The following C8orf89 variants were observed in gnomAD, a reference collection of about 807,000 sequenced individuals.
C8orf89 encodes chromosome 8 open reading frame 89.
Under a neutral mutation model 15.8 loss-of-function variants are expected in C8orf89, and 14 were observed. The ratio of observed to expected loss-of-function variants is 0.89; its 90% CI spans 0.59 to 1.39. C8orf89 has a LOEUF of 1.39. Among genes scored for constraint, C8orf89 ranks in the 40% most tolerant of loss-of-function variants. The probability of loss-of-function intolerance (pLI) is 0.00; values close to 1 mark genes in which losing one functional copy is unlikely to be tolerated. For synonymous variants in C8orf89, 55 were observed against 62.2 expected (o/e 0.88, Z 0.54); for missense variants, 181 against 184.5 (o/e 0.98, Z 0.11).
chr8:73,254,777 C>A (rs1202047251), intron 2 of C8orf89, among the ~76,000 whole-genome samples: 1 of 152,034 alleles, frequency 6.6e-6, no homozygotes, highest in Admixed American at 6.6e-5. Flanking sequence ...GAGATACAGA[C>A]CAATGGAACA....
the C8orf89 span, among the ~76,000 whole-genome samples, chr8:73,284,497 GCCA>G: frequency 1.3e-5 from 2 of 152,006 alleles, no homozygotes; most frequent in Non-Finnish European, 2.9e-5. Context: ...ACAGGCGTGT[GCCA>G]CCATGCCTGG....
At chr8:73,262,832 G>A (rs139221662), upstream of C8orf89, among the ~76,000 whole-genome samples, 187 of 149,450 alleles carry the variant, frequency 1.3e-3, no homozygotes, top group African/African-American at 4.4e-3. Context: ...AAAAAAAATT[G>A]AAAAAAATCA....
At chr8:73,254,972 A>G (rs1813337543) in intron 2 of C8orf89, among the ~76,000 whole-genome samples, 1 of 152,176 alleles carries the variant, frequency 6.6e-6, no homozygotes, top group South Asian at 2.1e-4. Context: ...TTAATTCAAG[A>G]TGGATTAAAG....
chr8:73,256,280 C>G (rs945468179), intron 2 of C8orf89, among the ~76,000 whole-genome samples: 10 of 152,064 alleles, frequency 6.6e-5, no homozygotes, highest in African/African-American at 1.9e-4. Context: ...CTTCACATTA[C>G]TTCAGTCAGA....
intron 2 of C8orf89, among the ~76,000 whole-genome samples, chr8:73,251,168 A>G (rs1813238258): frequency 6.6e-6 from 1 of 152,128 alleles, no homozygotes; most frequent in Admixed American, 6.5e-5. Context: ...GATTACTATT[A>G]TTATTTATAT....
the C8orf89 span, among the ~76,000 whole-genome samples, chr8:73,272,488 G>A: frequency 6.6e-6 from 1 of 151,616 alleles, no homozygotes; most frequent in African/African-American, 2.4e-5. Flanking sequence ...AAGTTCTAGG[G>A]TACATGTGCA....
chr8:73,269,740 C>G, the C8orf89 span, among the ~76,000 whole-genome samples: 9,971 of 152,238 alleles, frequency 0.065, 338 homozygotes, highest in South Asian at 0.085. Context: ...TCCTTAGGGG[C>G]TCCCATGACA....
chr8:73,256,704 G>T (rs1054368714), intron 2 of C8orf89, among the ~76,000 whole-genome samples: 5 of 119,918 alleles, frequency 4.2e-5, no homozygotes, highest in African/African-American at 1.3e-4. Context: ...CTCCAGCCTG[G>T]CAAAACAGCG....
chr8:73,247,675 G>T (rs930805829), intron 3 of C8orf89, among the ~76,000 whole-genome samples: 16 of 151,968 alleles, frequency 1.1e-4, no homozygotes, highest in African/African-American at 3.9e-4. Flanking sequence ...GTTTTGATTT[G>T]CATTTCTCTA....
intron 1 of C8orf89, 115 bp downstream of exon 1, chr8:73,259,217 T>C (rs1813473691): frequency 1.7e-6 from 1 of 605,200 alleles, no homozygotes; most frequent in Non-Finnish European, 2.5e-6. Context: ...CAATTTAAGA[T>C]ATAATTCTTA....
the C8orf89 span, chr8:73,277,479 G>C: frequency 1.1e-6 from 1 of 907,024 alleles, no homozygotes; most frequent in South Asian, 1.5e-5. Context: ...GAATCCCCTG[G>C]TTTCCTGATG....
At chr8:73,241,628 A>G in intron 3 of C8orf89, 23 bp from the exon 4 acceptor site, 8 of 1,478,924 alleles carry the variant, frequency 5.4e-6, no homozygotes, top group Non-Finnish European at 7.1e-6. Context: ...GTGGGGAGTC[A>G]GCTATTAAAA....
the C8orf89 span, among the ~76,000 whole-genome samples, chr8:73,274,243 T>C: frequency 6.6e-6 from 1 of 152,072 alleles, no homozygotes; most frequent in Non-Finnish European, 1.5e-5. Context: ...AAGCTCCGCC[T>C]CCCGGGTTCA....
chr8:73,277,065 C>G, the C8orf89 span, among the ~76,000 whole-genome samples: 1 of 151,998 alleles, frequency 6.6e-6, no homozygotes, highest in Non-Finnish European at 1.5e-5. Context: ...CCTCAGCCTC[C>G]CAAAGTGCTG....
chr8:73,266,968 A>G, the C8orf89 span, among the ~76,000 whole-genome samples: 107 of 152,320 alleles, frequency 7.0e-4, no homozygotes, highest in African/African-American at 5.1e-4. Context: ...GACAACTGCA[A>G]TCATGGCAGT....
chr8:73,259,121 C>T (rs944205241), intron 1 of C8orf89, among the ~76,000 whole-genome samples: 1 of 151,950 alleles, frequency 6.6e-6, no homozygotes. Flanking sequence ...AAAAGAAATA[C>T]AGCTCTTTAA....
upstream of C8orf89, among the ~76,000 whole-genome samples, chr8:73,263,240 T>C (rs1019505790): frequency 6.6e-6 from 1 of 152,222 alleles, no homozygotes; most frequent in Non-Finnish European, 1.5e-5. Context: ...CAGCTGGGCA[T>C]GGTGGCTCAC....
At chr8:73,258,346 G>A (rs1813448842) in intron 1 of C8orf89, among the ~76,000 whole-genome samples, 1 of 148,364 alleles carries the variant, frequency 6.7e-6, no homozygotes, top group Non-Finnish European at 1.5e-5. Flanking sequence ...GGGAGGCAGA[G>A]GCTGCAGTGA....
At chr8:73,269,522 CA>C in the C8orf89 span, among the ~76,000 whole-genome samples, 2 of 152,210 alleles carry the variant, frequency 1.3e-5, no homozygotes, top group Non-Finnish European at 2.9e-5. Context: ...GAAGCAATGG[CA>C]GATGCACAGT....
Sources: gnomAD v4.1 joint callset for allele counts (sites outside exome capture counted in the v4.1 genomes callset) on GRCh38, gnomAD v4.1.1 for gene constraint, MANE v1.5 for transcripts, NCBI Gene and HGNC (gene_info 2026-07-23, HGNC 2026-07-21) for gene names.